The following CDH13 variants were observed in gnomAD, a reference collection of about 807,000 sequenced individuals.
CDH13 encodes cadherin-13.
CDH13 carries 24 observed loss-of-function variants against 63.8 expected under a neutral mutation model. The observed-to-expected ratio is 0.38, with a 90% confidence interval of 0.27 to 0.53. CDH13 has a LOEUF of 0.53. CDH13 is among the 20% of genes least tolerant of loss of function. The pLI is 0.85. For missense variants in CDH13, 1,049 were observed against 903.1 expected, an observed-to-expected ratio of 1.16 and a Z score of -2.07; for synonymous variants, 503 against 355.3, an observed-to-expected ratio of 1.42 and a Z score of -4.67.
chr16:83,453,588 G>T (rs1047921843), intron 6 of CDH13, among the ~76,000 whole-genome samples: 1 of 152,080 alleles, frequency 6.6e-6, no homozygotes, highest in African/African-American at 2.4e-5. Context: ...CGAAGTGGAC[G>T]GAGTCAGGGC....
At chr16:83,486,362 A>T (rs971408773) in intron 6 of CDH13, 115 bp from the exon 7 acceptor site, 4 of 718,580 alleles carry the variant, frequency 5.6e-6, no homozygotes, top group Admixed American at 3.1e-5. Context: ...TTTCTTTTTT[A>T]ATTTGGAAAG....
chr16:83,071,804 G>C (rs899816857), intron 3 of CDH13, among the ~76,000 whole-genome samples: 10 of 152,090 alleles, frequency 6.6e-5, no homozygotes, highest in African/African-American at 2.2e-4. Flanking sequence ...TGAGACAGTA[G>C]GCATGACAGA....
At chr16:82,757,917 G>A (rs1567504883) in intron 1 of CDH13, among the ~76,000 whole-genome samples, 1 of 152,120 alleles carries the variant, frequency 6.6e-6, no homozygotes, top group Non-Finnish European at 1.5e-5. Context: ...CCAAAGTGCT[G>A]AGATTACAGG....
At chr16:83,791,811 CAAAAAA>C (rs10548547) in intron 13 of CDH13, among the ~76,000 whole-genome samples, 2 of 94,900 alleles carry the variant, frequency 2.1e-5, no homozygotes, top group African/African-American at 3.7e-5. Flanking sequence ...ACTTTGTCTC[CAAAAAA>C]AAAAAAAAAA....
rs1718140141 is a variant in CDH13, at chr16:83,780,205, A to C, written c.1915+4A>C. 6.4e-7 allele frequency: 1 copy of C among 1,563,470 alleles called. No individual in the cohort carries two copies. Among genetic ancestry groups the C allele is most frequent in the African/African-American group, 1.3e-5 (1 of 74,086 alleles). ...TGGAAGATCTCCAAGATCAACAGTAAGTCTGGCTAAAGCATTTCTGCCTAT... is the reference window on the plus strand; with the variant it reads ...TGGAAGATCTCCAAGATCAACAGTACGTCTGGCTAAAGCATTTCTGCCTAT... On this transcript the variant is annotated splice_donor_region_variant and intron_variant, in intron 12 of 13. Coordinates refer to ENST00000567109, the MANE Select transcript of CDH13 (RefSeq NM_001257.5).
intron 1 of CDH13, among the ~76,000 whole-genome samples, chr16:82,651,514 G>A (rs1419409348): frequency 6.6e-6 from 1 of 152,262 alleles, no homozygotes; most frequent in East Asian, 1.9e-4. Flanking sequence ...TTTATTGGGA[G>A]AGTATATGGG....
intron 1 of CDH13, among the ~76,000 whole-genome samples, chr16:82,752,727 C>G (rs977187453): frequency 2.0e-5 from 3 of 152,202 alleles, no homozygotes; most frequent in Non-Finnish European, 4.4e-5. Flanking sequence ...GGGTCCCAGA[C>G]AGATGGGTCA....
At chr16:82,919,894 T>C (rs1046484076) in intron 2 of CDH13, among the ~76,000 whole-genome samples, 2 of 152,208 alleles carry the variant, frequency 1.3e-5, no homozygotes, top group African/African-American at 4.8e-5. Flanking sequence ...CCTTGCCTTA[T>C]TGAAACTTAG....
At chr16:83,697,834 A>G (rs1905615337) in intron 10 of CDH13, among the ~76,000 whole-genome samples, 1 of 152,168 alleles carries the variant, frequency 6.6e-6, no homozygotes, top group Non-Finnish European at 1.5e-5. Context: ...TTTAGTAGAG[A>G]TGGAGTTTCA....
intron 7 of CDH13, among the ~76,000 whole-genome samples, chr16:83,552,594 T>C (rs1047750135): frequency 2.6e-5 from 4 of 152,292 alleles, no homozygotes; most frequent in East Asian, 3.9e-4. Flanking sequence ...GAATAGAAAG[T>C]CACATTACTC....
chr16:82,902,692 T>C (rs1335382221), intron 2 of CDH13, among the ~76,000 whole-genome samples: 1 of 150,984 alleles, frequency 6.6e-6, no homozygotes, highest in African/African-American at 2.4e-5. Context: ...CCATACAACA[T>C]TGGCATTCAT....
chr16:82,674,192 C>G (rs183687770), intron 1 of CDH13, among the ~76,000 whole-genome samples: 1 of 152,298 alleles, frequency 6.6e-6, no homozygotes, highest in Admixed American at 6.5e-5. Context: ...ATCTTCACCC[C>G]TTAAGGCAGC....
At chr16:83,507,070 C>A (rs772448334) in intron 7 of CDH13, among the ~76,000 whole-genome samples, 1 of 152,206 alleles carries the variant, frequency 6.6e-6, no homozygotes, top group Non-Finnish European at 1.5e-5. Context: ...GTCTGTTTCA[C>A]CAGCTAAAAT....
chr16:83,268,989 T>C (rs1331841314), intron 5 of CDH13, among the ~76,000 whole-genome samples: 17 of 152,212 alleles, frequency 1.1e-4, no homozygotes, highest in Admixed American at 1.1e-3. Context: ...TTTTATTTCC[T>C]TCTGACCAGA....
chr16:82,701,072 T>A (rs1452379711), intron 1 of CDH13, among the ~76,000 whole-genome samples: 1 of 150,976 alleles, frequency 6.6e-6, no homozygotes, highest in East Asian at 2.0e-4. Flanking sequence ...TTCCTCTTCC[T>A]GTTTTTTTCT....
chr16:82,732,411 G>A (rs890817245), intron 1 of CDH13, among the ~76,000 whole-genome samples: 1 of 152,160 alleles, frequency 6.6e-6, no homozygotes, highest in African/African-American at 2.4e-5. Context: ...TGAGGCCCCA[G>A]TAGTTGCTAA....
In CDH13 at chr16:83,434,342, C is replaced by T. The variant is rs181217540; in HGVS notation, c.782-52135C>T. Among the ~76,000 whole-genome samples the T allele has an allele frequency of 5.2e-3, 790 of 152,276 alleles. 4 individuals are homozygous for T. The highest frequency in any genetic ancestry group is 6.4e-3 in the Non-Finnish European group (433 of 68,028). The stretch of plus-strand genomic sequence containing the variant: ...TGGCTAGATAGCCTTGGCTCTGAAC[C>T]TACTTCCCCATTTGTGTGACAGAGA... On this transcript the variant is annotated intron_variant, in intron 6 of 13. Coordinates refer to ENST00000567109, the MANE Select transcript of CDH13 (RefSeq NM_001257.5).
chr16:83,660,088 A>G (rs1218299748), intron 8 of CDH13, among the ~76,000 whole-genome samples: 3 of 152,054 alleles, frequency 2.0e-5, no homozygotes, highest in East Asian at 1.9e-4. Context: ...CGCCCAGCCA[A>G]TCCACAACCT....
chr16:83,034,823 C>G (rs529588794), intron 3 of CDH13, among the ~76,000 whole-genome samples: 1 of 152,276 alleles, frequency 6.6e-6, no homozygotes, highest in South Asian at 2.1e-4. Flanking sequence ...TTGTTTGTAC[C>G]TCAAGTTTCT....
Sources: allele counts gnomAD v4.1 joint callset (sites outside exome capture counted in the v4.1 genomes callset), GRCh38; gene constraint gnomAD v4.1.1; transcripts MANE v1.5; gene names NCBI Gene and HGNC (gene_info 2026-07-23, HGNC 2026-07-21).